IPO4: variants seen among roughly 807,000 people sequenced by gnomAD.
IPO4 encodes importin 4.
IPO4 carries 91 observed loss-of-function variants against 133.5 expected under a neutral mutation model. The observed-to-expected ratio is 0.68, with a 90% CI of 0.58 to 0.81. IPO4 has a LOEUF of 0.81. IPO4 is among the 30% of genes least tolerant of loss of function. IPO4 has a pLI of 0.00. For synonymous variants in IPO4, 607 were observed against 581.6 expected (o/e 1.04, Z -0.63); for missense variants, 1,279 against 1,386.2 (o/e 0.92, Z 1.23).
At position 24,181,941 on chromosome 14, in the gene IPO4, C is replaced by A; in HGVS notation, c.2807+14G>T. 1 of 1,609,752 alleles carries A rather than the reference C, an allele frequency of 6.2e-7. No homozygotes were observed. Among genetic ancestry groups the A allele is most frequent in the African/African-American group, 1.3e-5 (1 of 75,058 alleles). On this transcript the variant is annotated intron_variant, in intron 26 of 29. Coordinates refer to ENST00000354464, the MANE Select transcript of IPO4 (RefSeq NM_024658.4). ...CCAACCTCCAGTCCCTCCCGTCCTG[C>A]GAGCCAAGGATACTCCTGGGCAGGG... is the stretch of plus-strand genomic sequence containing the variant.
rs145420967 is a variant in IPO4, at chr14:24,187,145, G to C, written c.594C>G (p.Leu198=). 17 of 1,613,596 alleles carry C rather than the reference G, an allele frequency of 1.1e-5. No individual in the cohort carries two copies. The part of the protein sequence containing the change: ...APYLSTEDVP[L]ARMLVPKLIM... The stretch of plus-strand genomic sequence containing the variant: ...TCAGCTTGGGCACCAACATCCGAGC[G>C]AGAGGCTGAGGGACACATCACAGAG... Residue 198 remains leucine, a synonymous_variant, in exon 7 of 30, where the codon CTC becomes CTG. Coordinates refer to ENST00000354464, the MANE Select transcript of IPO4 (RefSeq NM_024658.4).
rs1308043300 is a variant in IPO4, at chr14:24,183,368, GA to G, written c.2122-14del. The G allele has an allele frequency of 1.2e-6, 2 of 1,601,782 alleles. No homozygotes were observed. Among genetic ancestry groups the G allele is most frequent in the South Asian group, 1.1e-5 (1 of 89,574 alleles). The stretch of plus-strand genomic sequence containing the variant: ...TCAGGTGAGGGCACTGCAGGATGAG[GA>G]GGGGCGGGATATGTCTGCTATGTGC... On this transcript the variant is annotated splice_polypyrimidine_tract_variant and intron_variant, in intron 21 of 29. Transcript: ENST00000354464.
chr14:24,186,696 G>T lies in IPO4; in HGVS notation c.840+12C>A. 1 of 1,607,836 alleles carries T rather than the reference G, an allele frequency of 6.2e-7. No homozygotes were observed. Among genetic ancestry groups the T allele is most frequent in the Non-Finnish European group, 8.5e-7 (1 of 1,174,530 alleles). ...GGGGTGGGGTGATGTGTGTCAATGG[G>T]CACTCACTTACCTTGCTCTTGACTT... On this transcript the variant is annotated intron_variant, in intron 9 of 29. Transcript: ENST00000354464.
chr14:24,188,582 G>A lies in IPO4; in HGVS notation c.126C>T (p.Cys42=), dbSNP rs578222763. The A allele has an allele frequency of 2.5e-6, 4 of 1,613,210 alleles. No homozygotes were observed. In the East Asian group the frequency reaches 8.9e-5, roughly 36 times the overall value. ...LRAPAALPAL[C]DLLASAADPQ... ...GGTCGGCCGCCGAGGCTAGCAGGTC[G>A]CAGAGAGCCGGCAAAGCGGCGGGGG... Residue 42 remains cysteine (C), a synonymous_variant, in exon 2 of 30, where the codon TGC becomes TGT. Coordinates refer to ENST00000354464, the MANE Select transcript of IPO4 (RefSeq NM_024658.4).
At chr14:24,183,713 C>G in intron 19 of IPO4, 46 bp from the exon 20 acceptor site, 1 of 1,614,148 alleles carries the variant, frequency 6.2e-7, no homozygotes, top group Admixed American at 1.7e-5. Context: ...CCAAGAGGAG[C>G]AGATCCAGCA....
intron 8 of IPO4, 31 bp from the exon 9 acceptor site, chr14:24,186,822 G>A (rs958683783): frequency 6.2e-7 from 1 of 1,613,070 alleles, no homozygotes; most frequent in African/African-American, 1.3e-5. Context: ...ATCAGCGACA[G>A]GGAAGGAGAG....
Position 24,180,412 on chromosome 14 carries a change from A to G in IPO4, c.*30T>C, listed in dbSNP as rs1252382934. On this transcript the variant is annotated 3_prime_UTR_variant, in exon 30 of 30. Coordinates refer to ENST00000354464, the MANE Select transcript of IPO4 (RefSeq NM_024658.4). Reference sequence around the variant, plus strand: ...TGGTCTTAAGGCCTGGGCAGGCTCTATTCTCTCTGGACTGGCTGCAGCCTG... The same window carrying G: ...TGGTCTTAAGGCCTGGGCAGGCTCTGTTCTCTCTGGACTGGCTGCAGCCTG... 2 of 1,596,420 alleles carry G rather than the reference A, an allele frequency of 1.3e-6. No homozygotes were observed. Among genetic ancestry groups the G allele is most frequent in the South Asian group, 1.1e-5 (1 of 89,724 alleles).
Position 24,182,777 on chromosome 14 carries a change from A to T in IPO4, c.2472+15T>A, listed in dbSNP as rs1438592982. The T allele has an allele frequency of 6.2e-7, 1 of 1,613,806 alleles. No individual in the cohort carries two copies. Among genetic ancestry groups the T allele is most frequent in the East Asian group, 2.2e-5 (1 of 44,878 alleles). The stretch of plus-strand genomic sequence containing the variant: ...CCTGGACCGCCTGGTCCCCGTTTTT[A>T]TCCCTGGCTCTCACCTGATCATCAT... On this transcript the variant is annotated intron_variant, in intron 24 of 29. Coordinates refer to ENST00000354464, the MANE Select transcript of IPO4 (RefSeq NM_024658.4).
Position 24,184,289 on chromosome 14 carries a change from G to A in IPO4, c.1757+9C>T, listed in dbSNP as rs1342189572. ...GACAAGGGCAGAGGCAGGGTGAGGG[G>A]TCACTCACGTGCAGCGCCGCAAGTC... On this transcript the variant is annotated intron_variant, in intron 17 of 29. Coordinates refer to ENST00000354464, the MANE Select transcript of IPO4 (RefSeq NM_024658.4). The A allele has an allele frequency of 1.3e-6, 2 of 1,579,154 alleles. No homozygotes were observed. The highest frequency in any genetic ancestry group is 1.3e-5 in the African/African-American group (1 of 74,400).
chr14:24,183,886 C>A lies in IPO4; in HGVS notation c.1882G>T (p.Gly628Trp), dbSNP rs1245876167. ...STEGIVPQYD[G>W]SSSFLLFDDE... ...TCAAACAGAAGGAAGGAGCTGCTCC[C>A]GTCATACTGAGGCTGGAGCGGAGGC... Residue 628 changes from glycine (G) to tryptophan (W), a missense_variant, in exon 19 of 30, where the codon GGG becomes TGG. Physicochemically the swap from Gly to Trp is radical, Grantham distance 184. This residue lies in a region of IPO4 where 575 missense variants were observed against 653.4 expected (regional missense o/e 0.88). Transcript: ENST00000354464. 1 of 1,614,042 alleles carries A rather than the reference C, an allele frequency of 6.2e-7. No homozygotes were observed. The highest frequency in any genetic ancestry group is 2.2e-5 in the East Asian group (1 of 44,880).
rs565029931 is a variant in IPO4, at chr14:24,183,341, A to C, written c.2136T>G (p.Asn712Lys). The stretch of plus-strand genomic sequence containing the variant: ...GAGCCTCATGGGCTGCCTTCCGCAC[A>C]TTCAGGTGAGGGCACTGCAGGATGA... ...VFKLLECPHLNVRKAAHEALG... is the reference protein window; with the variant it reads ...VFKLLECPHLKVRKAAHEALG... Residue 712 changes from asparagine (N) to lysine (K), a missense_variant, in exon 22 of 30, where the codon AAT becomes AAG. Asn to Lys is a moderately conservative substitution (Grantham distance 94). Coordinates refer to ENST00000354464, the MANE Select transcript of IPO4 (RefSeq NM_024658.4). 1.9e-6 allele frequency: 3 copies of C among 1,610,898 alleles called. No individual in the cohort carries two copies. In the South Asian group the frequency reaches 3.3e-5, roughly 18 times the overall value.
Position 24,184,766 on chromosome 14 carries a change from G to A in IPO4, c.1523-3C>T, listed in dbSNP as rs558414645. 5.5e-4 allele frequency: 888 copies of A among 1,611,118 alleles called. 16 individuals are homozygous for A. The South Asian group carries it at 9.3e-3, about 17-fold the overall frequency. On this transcript the variant is annotated splice_region_variant and splice_polypyrimidine_tract_variant and intron_variant, in intron 15 of 29. Transcript: ENST00000354464. ...CAGCGAGGCCTGGGCAGCCGTAGCT[G>A]CAGGATGGAAGGACAGAATCAGAGC...
Position 24,186,425 on chromosome 14 carries a change from T to A in IPO4, c.867A>T (p.Pro289=). 1 of 1,599,076 alleles carries A rather than the reference T, an allele frequency of 6.3e-7. No individual in the cohort carries two copies. Among genetic ancestry groups the A allele is most frequent in the Non-Finnish European group, 8.5e-7 (1 of 1,171,114 alleles). ...TGGGGAAAAGGGTGTGCAGCAAGGG[T>A]GGCAGGAGACGATTCTTCAGTAAGG... ...SKALLKNRLL[P]PLLHTLFPIV... Residue 289 remains proline (P), a synonymous_variant, in exon 10 of 30, where the codon CCA becomes CCT. Transcript: ENST00000354464.
rs1469501461 is a variant in IPO4, at chr14:24,188,378, G to T, written c.202C>A (p.Arg68Ser). The stretch of plus-strand genomic sequence containing the variant: ...TGCTCCGCCGCCAGCCGTCGCCAGC[G>T]GGTGTTCAGTCGTCTGCGGGTCAGC... ...AVLTRRRLNT[R>S]WRRLAAEQRE... Residue 68 changes from arginine (R) to serine (S), a missense_variant, in exon 3 of 30, where the codon CGC becomes AGC. By Grantham distance (110) the Arg-to-Ser change is moderately radical (BLOSUM62 -1). Coordinates refer to ENST00000354464, the MANE Select transcript of IPO4 (RefSeq NM_024658.4). 6.2e-7 allele frequency: 1 copy of T among 1,613,198 alleles called. No homozygotes were observed. The highest frequency in any genetic ancestry group is 1.3e-5 in the African/African-American group (1 of 74,942).
rs1234225259 is a variant in IPO4, at chr14:24,182,354, G to A, written c.2522C>T (p.Ala841Val). The change falls in exon 25 of 30, where the codon GCC (alanine) becomes GTC (valine). Residue 841 changes from alanine (A) to valine (V), a missense_variant. Ala to Val is a moderately conservative substitution (Grantham distance 64, BLOSUM62 0). Coordinates refer to ENST00000354464, the MANE Select transcript of IPO4 (RefSeq NM_024658.4). Reference protein sequence around the residue: ...LLEHAGEAIPALAAAAGGDSF... With the variant: ...LLEHAGEAIPVLAAAAGGDSF... ...GTCTCCCCCAGCCGCGGCTGCCAGG[G>A]CAGGGATGGCCTCTCCAGCGTGCTC... The A allele has an allele frequency of 6.2e-7, 1 of 1,613,824 alleles. No homozygotes were observed. Among genetic ancestry groups the A allele is most frequent in the South Asian group, 1.1e-5 (1 of 91,038 alleles).
intron 2 of IPO4, 42 bp downstream of exon 2, chr14:24,188,510 G>GCCCA: frequency 1.2e-6 from 2 of 1,607,210 alleles, no homozygotes; most frequent in Non-Finnish European, 1.7e-6. Context: ...TTGACCGGTG[G>GCCCA]CGTACAGTGG....
At position 24,188,810 on chromosome 14, in the gene IPO4, C is replaced by A; in HGVS notation, c.-23G>T. 1.3e-6 allele frequency: 2 copies of A among 1,486,740 alleles called. No homozygotes were observed. The highest frequency in any genetic ancestry group is 1.8e-6 in the Non-Finnish European group (2 of 1,118,376). The allele number at this position is 1,486,740 out of a possible 1,614,324, so 92.1% of individuals were successfully genotyped here. On this transcript the variant is annotated 5_prime_UTR_variant, in exon 1 of 30. Coordinates refer to ENST00000354464, the MANE Select transcript of IPO4 (RefSeq NM_024658.4). ...CATGGCAGCAACTGAGCCGCCGCTA[C>A]TGGGCCGAAAAGGGGAGGGGGAGGG...
chr14:24,186,044 C>T (rs969773578), intron 11 of IPO4, 74 bp from the exon 12 acceptor site: 2 of 1,597,264 alleles, frequency 1.3e-6, no homozygotes, highest in Non-Finnish European at 1.7e-6. Context: ...GGCCTTCACA[C>T]CTCCCAGGGT....
At chr14:24,184,458 G>A in intron 16 of IPO4, 40 bp from the exon 17 acceptor site, 2 of 1,588,282 alleles carry the variant, frequency 1.3e-6, no homozygotes, top group Non-Finnish European at 1.7e-6. Context: ...GGAGGTGGAG[G>A]TGGGCTACGG....
Sources: allele counts gnomAD v4.1 joint callset, GRCh38; gene constraint gnomAD v4.1.1; regional missense constraint gnomAD v4.1.1; transcripts MANE v1.5; gene names NCBI Gene and HGNC (gene_info 2026-07-23, HGNC 2026-07-21).